EDN1: variants seen among roughly 807,000 people sequenced by gnomAD.
EDN1 encodes the protein endothelin-1.
EDN1 carries 11 observed loss-of-function variants against 21.7 expected under a neutral mutation model. The ratio of observed to expected loss-of-function variants is 0.51; its 90% CI spans 0.32 to 0.84. The LOEUF is 0.84. Among genes scored for constraint, EDN1 ranks in the 40% least tolerant of loss-of-function variants. The pLI is 0.03. For synonymous variants in EDN1, 85 were observed against 90.6 expected (o/e 0.94, Z 0.35); for missense variants, 244 against 262.3 (o/e 0.93, Z 0.48).
chr6:12,269,308 T>C, the EDN1 span, among the ~76,000 whole-genome samples: 1 of 152,078 alleles, frequency 6.6e-6, no homozygotes, highest in Non-Finnish European at 1.5e-5. Context: ...CTTTTTCAAT[T>C]TGAATGACCT....
At chr6:12,280,118 G>C in the EDN1 span, among the ~76,000 whole-genome samples, 1 of 152,146 alleles carries the variant, frequency 6.6e-6, no homozygotes, top group African/African-American at 2.4e-5. Context: ...TAATTTATCT[G>C]TGAAAAACTA....
chr6:12,295,932 C>T (rs765274800), intron 4 of EDN1, 30 bp from the exon 5 acceptor site: 7 of 1,603,778 alleles, frequency 4.4e-6, no homozygotes, highest in Non-Finnish European at 6.0e-6. Flanking sequence ...TTTAAAATAA[C>T]ATTTGTTTTC....
At chr6:12,267,463 G>C in the EDN1 span, among the ~76,000 whole-genome samples, 1 of 152,148 alleles carries the variant, frequency 6.6e-6, no homozygotes, top group African/African-American at 2.4e-5. Context: ...CTGGGTAGAA[G>C]AACAAACCAG....
the EDN1 span, among the ~76,000 whole-genome samples, chr6:12,285,342 A>G: frequency 1.2e-4 from 18 of 152,260 alleles, no homozygotes; most frequent in African/African-American, 4.3e-4. Flanking sequence ...TTGTTTTTCT[A>G]GATTCTGGAT....
the EDN1 span, among the ~76,000 whole-genome samples, chr6:12,265,921 G>C: frequency 1.3e-5 from 2 of 152,228 alleles, no homozygotes; most frequent in South Asian, 4.1e-4. Flanking sequence ...GGCTACCCTG[G>C]TTAAGTTGAG....
rs774861385 is a variant in EDN1 at position 12,294,248 on chromosome 6, T to A, written c.390-13T>A. On this transcript the variant is annotated splice_polypyrimidine_tract_variant and intron_variant, in intron 3 of 4. Coordinates refer to ENST00000379375, the MANE Select transcript of EDN1 (RefSeq NM_001955.5). ...AACATTGCTGAAATGTTTTTCCTTG[T>A]GTATTTTAACAGGGCTGAAGACATT... 1.6e-5 allele frequency: 26 copies of A among 1,614,058 alleles called. No homozygotes were observed. The highest frequency in any genetic ancestry group is 2.2e-5 in the Non-Finnish European group (26 of 1,180,036).
Position 12,296,152 on chromosome 6 carries a change from G to C in EDN1, c.*85G>C. ...GCACTCTCCACCCTGGCTGGGATCA[G>C]AGCAGGAGCATCCTCTGCTGGTTCC... On this transcript the variant is annotated 3_prime_UTR_variant, in exon 5 of 5. Transcript: ENST00000379375. The C allele has an allele frequency of 8.4e-7, 1 of 1,186,796 alleles. No individual in the cohort carries two copies. Among genetic ancestry groups the C allele is most frequent in the Non-Finnish European group, 1.3e-6 (1 of 793,394 alleles). 73.5% of individuals were successfully genotyped at this position (1,186,796 alleles called of 1,614,324 possible).
At chr6:12,274,120 C>G in the EDN1 span, among the ~76,000 whole-genome samples, 2 of 152,188 alleles carry the variant, frequency 1.3e-5, no homozygotes, top group Non-Finnish European at 2.9e-5. Flanking sequence ...TGTGACTAAA[C>G]AAATTGTCCT....
At chr6:12,273,856 G>A in the EDN1 span, among the ~76,000 whole-genome samples, 3 of 152,190 alleles carry the variant, frequency 2.0e-5, no homozygotes, top group South Asian at 4.1e-4. Flanking sequence ...GTACAATATA[G>A]AAGCACAAAT....
At chr6:12,269,336 T>C in the EDN1 span, among the ~76,000 whole-genome samples, 1 of 152,110 alleles carries the variant, frequency 6.6e-6, no homozygotes, top group Admixed American at 6.5e-5. Flanking sequence ...TCTTGCCTAA[T>C]TGTACTTGCC....
chr6:12,236,282 A>G, the EDN1 span, among the ~76,000 whole-genome samples: 2 of 134,736 alleles, frequency 1.5e-5, no homozygotes, highest in Non-Finnish European at 3.3e-5. Context: ...TTTTGATGCC[A>G]AACAATTTTT....
At chr6:12,286,193 C>T (rs1467915623), upstream of EDN1, among the ~76,000 whole-genome samples, 4 of 152,200 alleles carry the variant, frequency 2.6e-5, no homozygotes, top group Non-Finnish European at 5.9e-5. Flanking sequence ...TGGAAATACT[C>T]TTTTAAATAA....
chr6:12,280,731 C>T, the EDN1 span, among the ~76,000 whole-genome samples: 44,046 of 151,868 alleles, frequency 0.29, 7,546 homozygotes, highest in African/African-American at 0.48. Flanking sequence ...CCTGTCTCCA[C>T]TGAAAGTACA....
At chr6:12,292,243 C>T in intron 1 of EDN1, 98 bp from the exon 2 acceptor site, 1 of 1,552,774 alleles carries the variant, frequency 6.4e-7, no homozygotes, top group Non-Finnish European at 8.8e-7. Context: ...GCTTCATCTG[C>T]TTTTATCTGC....
Position 12,295,948 on chromosome 6 carries a change from T to A in EDN1, c.534-14T>A, listed in dbSNP as rs751819814. ...TTAAAATAACATTTGTTTTCTCTTA[T>A]CTTGCTTTATTAGGTCGGAGACCAT... On this transcript the variant is annotated splice_polypyrimidine_tract_variant and intron_variant, in intron 4 of 4. Coordinates refer to ENST00000379375, the MANE Select transcript of EDN1 (RefSeq NM_001955.5). 9.3e-6 allele frequency: 15 copies of A among 1,612,516 alleles called. No individual in the cohort carries two copies. The highest frequency in any genetic ancestry group is 3.3e-5 in the Admixed American group (2 of 59,994).
At chr6:12,242,940 T>A in the EDN1 span, among the ~76,000 whole-genome samples, 555 of 152,320 alleles carry the variant, frequency 3.6e-3, 2 homozygotes, top group African/African-American at 0.013. Context: ...CTTAGAATTA[T>A]GCTAGAGTAT....
chr6:12,245,411 C>T, the EDN1 span, among the ~76,000 whole-genome samples: 1 of 152,182 alleles, frequency 6.6e-6, no homozygotes, highest in African/African-American at 2.4e-5. Context: ...TCAGCAAACA[C>T]GTTTCATGTC....
At chr6:12,284,986 A>G in the EDN1 span, among the ~76,000 whole-genome samples, 70 of 152,222 alleles carry the variant, frequency 4.6e-4, no homozygotes, top group African/African-American at 1.6e-3. Flanking sequence ...TTAGTTTCGG[A>G]TGTCACTCAT....
upstream of EDN1, among the ~76,000 whole-genome samples, chr6:12,287,646 A>C (rs1762575676): frequency 2.3e-5 from 3 of 129,096 alleles, no homozygotes; most frequent in East Asian, 2.5e-4. Context: ...AAGACACGGA[A>C]ATTCTCTCTC....
Sources: gnomAD v4.1 joint callset for allele counts (sites outside exome capture counted in the v4.1 genomes callset) on GRCh38, gnomAD v4.1.1 for gene constraint, MANE v1.5 for transcripts, NCBI Gene and HGNC (gene_info 2026-07-23, HGNC 2026-07-21) for gene names.